Variants in PTGFRN observed in about 807,000 individuals in gnomAD.
PTGFRN encodes the protein prostaglandin F2 receptor negative regulator.
PTGFRN carries 35 observed loss-of-function variants against 83.2 expected under a neutral mutation model. The observed-to-expected ratio is 0.42, with a 90% confidence interval of 0.32 to 0.56. The LOEUF is 0.56. Among genes scored for constraint, PTGFRN ranks in the 20% least tolerant of loss-of-function variants. The pLI is 0.11. For synonymous variants in PTGFRN, 519 were observed against 498.6 expected, an observed-to-expected ratio of 1.04 and a Z score of -0.55; for missense variants, 1,051 against 1,179.5, an observed-to-expected ratio of 0.89 and a Z score of 1.60.
chr1:116,942,346 G>A (rs953190659), intron 2 of PTGFRN, among the ~76,000 whole-genome samples: 6 of 152,222 alleles, frequency 3.9e-5, no homozygotes, highest in African/African-American at 1.4e-4. Flanking sequence ...GCCCAGTGAG[G>A]TGGAGGCAGC....
chr1:116,961,283 C>A lies in PTGFRN; in HGVS notation c.1254C>A (p.Pro418=). ...YQVYLNASKV[P]GFADDPTELA... Reference sequence around the variant, plus strand: ...TGTACCTGAATGCTTCCAAGGTCCCCGGGTTTGCGGATGACCCCACAGAGC... The same window carrying A: ...TGTACCTGAATGCTTCCAAGGTCCCAGGGTTTGCGGATGACCCCACAGAGC... Residue 418 remains proline (P), a synonymous_variant, in exon 5 of 9, where the codon CCC becomes CCA. Coordinates refer to ENST00000393203, the MANE Select transcript of PTGFRN (RefSeq NM_020440.4). The surrounding 1 kb of genome is among the most constrained non-coding windows in gnomAD (Gnocchi z 5.4). 6.5e-7 allele frequency: 1 copy of A among 1,534,144 alleles called. No individual in the cohort carries two copies. The highest frequency in any genetic ancestry group is 1.3e-5 in the South Asian group (1 of 76,806).
chr1:116,937,694 G>A (rs59449379), intron 1 of PTGFRN, among the ~76,000 whole-genome samples: 19,510 of 152,160 alleles, frequency 0.13, 1,334 homozygotes, highest in African/African-American at 0.17. Context: ...TTGTGGGTAG[G>A]TTGTCCACCC....
chr1:116,960,655 C>G, intron 4 of PTGFRN, among the ~76,000 whole-genome samples: 1 of 152,280 alleles, frequency 6.6e-6, no homozygotes, highest in Non-Finnish European at 1.5e-5. Flanking sequence ...AACACAGATT[C>G]CGCAGAAAAA....
intron 6 of PTGFRN, among the ~76,000 whole-genome samples, chr1:116,969,725 A>T (rs1216620595): frequency 3.9e-5 from 6 of 152,142 alleles, no homozygotes; most frequent in Non-Finnish European, 8.8e-5. Flanking sequence ...CAGTTCATAA[A>T]CATGGGCTAT....
At chr1:116,975,368 A>G (rs922898683) in intron 7 of PTGFRN, among the ~76,000 whole-genome samples, 1 of 152,206 alleles carries the variant, frequency 6.6e-6, no homozygotes, top group African/African-American at 2.4e-5. Context: ...ACAGCTTTGA[A>G]GAGAGTAGTG....
intron 4 of PTGFRN, 112 bp downstream of exon 4, chr1:116,949,684 C>T: frequency 7.1e-7 from 1 of 1,416,214 alleles, no homozygotes; most frequent in African/African-American, 1.4e-5. Flanking sequence ...GACATTATTT[C>T]TATTGGTTCA....
chr1:116,934,518 AT>A (rs554158523), intron 1 of PTGFRN, among the ~76,000 whole-genome samples: 45 of 145,578 alleles, frequency 3.1e-4, no homozygotes, highest in Middle Eastern at 3.5e-3. Flanking sequence ...CGGATATTGT[AT>A]TTTTTTTTTT....
rs769904132 is a variant in PTGFRN at position 116,962,865 on chromosome 1, T to A, written c.1639+1197T>A. On this transcript the variant is annotated intron_variant, in intron 5 of 8. Coordinates refer to ENST00000393203, the MANE Select transcript of PTGFRN (RefSeq NM_020440.4). ...CATTGTGTCTTCACGTCTCTCTCAC[T>A]AGGGTGCCCATTTGTAGTCCAGCGT... Among the ~76,000 whole-genome samples the A allele has an allele frequency of 2.0e-4, 30 of 152,220 alleles. 1 individual carries two copies. Among genetic ancestry groups the A allele is most frequent in the Admixed American group, 1.8e-3 (27 of 15,284 alleles).
intron 1 of PTGFRN, among the ~76,000 whole-genome samples, chr1:116,922,218 C>T (rs1322809918): frequency 6.6e-6 from 1 of 152,156 alleles, no homozygotes; most frequent in East Asian, 1.9e-4. Context: ...GGTGATAAGT[C>T]AGGCCATAAT....
rs1234996240 is a variant in PTGFRN at position 116,990,284 on chromosome 1, A to G, written c.*3317A>G. 6.6e-6 allele frequency: 1 copy of G among 152,642 alleles called. No homozygotes were observed. The highest frequency in any genetic ancestry group is 2.4e-5 in the African/African-American group (1 of 41,460). The allele number at this position is 152,642 out of a possible 1,614,324, so 9.5% of individuals were successfully genotyped here. A position where few individuals can be genotyped will look rare whatever the true frequency, so the allele number is the denominator to read the frequency against. On this transcript the variant is annotated 3_prime_UTR_variant, in exon 9 of 9. Transcript: ENST00000393203. ...TTATATGAACTAATTGTATTGTTTT[A>G]TACTGTGACCACAAATATTATGCAA...
intron 6 of PTGFRN, among the ~76,000 whole-genome samples, chr1:116,973,106 C>T (rs984228906): frequency 1.3e-5 from 2 of 152,030 alleles, no homozygotes; most frequent in South Asian, 2.1e-4. Context: ...TTTGTAGAGG[C>T]GGGATTTTGC....
rs147060668 is a variant in PTGFRN at position 116,952,612 on chromosome 1, C to T, written c.1213+3040C>T. On this transcript the variant is annotated intron_variant, in intron 4 of 8. Transcript: ENST00000393203. The surrounding 1 kb of genome is among the most constrained non-coding windows in gnomAD (Gnocchi z 4.0). Reference sequence around the variant, plus strand: ...TATTATATTTGAGCACTGAATTTGCCTCTGAAGTTCTGAAGAGTTGAGACA... The same window carrying T: ...TATTATATTTGAGCACTGAATTTGCTTCTGAAGTTCTGAAGAGTTGAGACA... Among the ~76,000 whole-genome samples the T allele has an allele frequency of 1.1e-3, 170 of 152,184 alleles. 1 individual carries two copies. The highest frequency in any genetic ancestry group is 4.0e-3 in the African/African-American group (165 of 41,524).
chr1:116,982,958 C>T (rs1050928272), intron 7 of PTGFRN, among the ~76,000 whole-genome samples: 1 of 152,154 alleles, frequency 6.6e-6, no homozygotes, highest in Non-Finnish European at 1.5e-5. Flanking sequence ...TGGCCACCAG[C>T]TGCATTTGCT....
intron 2 of PTGFRN, 115 bp from the exon 3 acceptor site, chr1:116,944,564 G>A (rs2101065068): frequency 2.8e-6 from 3 of 1,078,306 alleles, no homozygotes; most frequent in Middle Eastern, 3.4e-4. Context: ...GTGCCCATCC[G>A]GGTCTTGGAA....
At chr1:116,936,938 A>G (rs1021805913) in intron 1 of PTGFRN, among the ~76,000 whole-genome samples, 2 of 152,380 alleles carry the variant, frequency 1.3e-5, no homozygotes, top group African/African-American at 4.8e-5. Context: ...AAGAAAACAA[A>G]TAATAGTGAA....
At chr1:116,980,526 TA>T (rs1266996231) in intron 7 of PTGFRN, among the ~76,000 whole-genome samples, 1 of 152,098 alleles carries the variant, frequency 6.6e-6, no homozygotes, top group Non-Finnish European at 1.5e-5. Flanking sequence ...TATGCAGCCA[TA>T]AAAAAGGATG....
intron 7 of PTGFRN, among the ~76,000 whole-genome samples, chr1:116,981,667 A>G (rs1007577364): frequency 6.6e-6 from 1 of 152,254 alleles, no homozygotes; most frequent in Non-Finnish European, 1.5e-5. Flanking sequence ...GGACCTGGGT[A>G]GGAAATATTT....
intron 1 of PTGFRN, among the ~76,000 whole-genome samples, chr1:116,912,381 C>T (rs1438989516): frequency 2.0e-5 from 3 of 152,210 alleles, no homozygotes; most frequent in African/African-American, 7.2e-5. Context: ...TGTTACACTG[C>T]TCTGGCACTG....
intron 7 of PTGFRN, among the ~76,000 whole-genome samples, chr1:116,977,003 G>A (rs1400386072): frequency 6.6e-6 from 1 of 152,082 alleles, no homozygotes; most frequent in Non-Finnish European, 1.5e-5. Context: ...GACACACATA[G>A]GCTCAAAATA....
Sources: allele counts gnomAD v4.1 joint callset (sites outside exome capture counted in the v4.1 genomes callset), GRCh38; gene constraint gnomAD v4.1.1; non-coding constraint Gnocchi (gnomAD v3.1); transcripts MANE v1.5; gene names NCBI Gene and HGNC (gene_info 2026-07-23, HGNC 2026-07-21).